Variants in CNRIP1 observed in about 807,000 individuals in gnomAD.
The protein encoded by CNRIP1 is CB1 cannabinoid receptor-interacting protein 1.
CNRIP1 carries 10 observed loss-of-function variants against 15.2 expected under a neutral mutation model. The ratio of observed to expected loss-of-function variants is 0.66; its 90% CI spans 0.41 to 1.12. The LOEUF is 1.12. Ranked by LOEUF, CNRIP1 falls within the 50% of genes most tolerant of loss-of-function variation. The pLI is 0.00. For missense variants in CNRIP1, 211 were observed against 214.7 expected (o/e 0.98, Z 0.11); for synonymous variants, 91 against 83.2 (o/e 1.09, Z -0.51).
At chr2:68,299,641 G>A (rs1264594949) in intron 2 of CNRIP1, among the ~76,000 whole-genome samples, 1 of 152,142 alleles carries the variant, frequency 6.6e-6, no homozygotes, top group Non-Finnish European at 1.5e-5. Context: ...CAGCCCCAGC[G>A]GAGACAACAC....
chr2:68,295,457 C>A (rs1310680476), intron 2 of CNRIP1, among the ~76,000 whole-genome samples: 3 of 152,176 alleles, frequency 2.0e-5, no homozygotes, highest in African/African-American at 7.2e-5. Context: ...CCTATATAAG[C>A]ATACAGCAGC....
At chr2:68,310,878 A>G (rs1672047172) in intron 2 of CNRIP1, among the ~76,000 whole-genome samples, 1 of 152,204 alleles carries the variant, frequency 6.6e-6, no homozygotes, top group Non-Finnish European at 1.5e-5. Context: ...ACTATAAAAA[A>G]GACAAATGAA....
chr2:68,304,812 G>A (rs1422519237), intron 2 of CNRIP1, among the ~76,000 whole-genome samples: 7 of 152,026 alleles, frequency 4.6e-5, no homozygotes, highest in Admixed American at 2.6e-4. Flanking sequence ...GAAAATGATT[G>A]AAAATATAGG....
intron 2 of CNRIP1, among the ~76,000 whole-genome samples, chr2:68,301,115 T>C (rs780590600): frequency 6.6e-6 from 1 of 152,210 alleles, no homozygotes; most frequent in Non-Finnish European, 1.5e-5. Flanking sequence ...AGATTCCTCA[T>C]GGGCATATAC....
At chr2:68,296,794 C>G (rs182535742) in intron 2 of CNRIP1, among the ~76,000 whole-genome samples, 5 of 152,194 alleles carry the variant, frequency 3.3e-5, no homozygotes, top group East Asian at 3.9e-4. Flanking sequence ...TGTGCCACTA[C>G]GCCTGGCTAA....
intron 2 of CNRIP1, among the ~76,000 whole-genome samples, chr2:68,306,124 CAAAAAAAAAAA>C (rs61586261): frequency 1.2e-3 from 31 of 25,340 alleles, no homozygotes; most frequent in African/African-American, 4.2e-3. Flanking sequence ...CCCACCTCTA[CAAAAAAAAAAA>C]AAAAAAAAAA....
Position 68,293,337 on chromosome 2 carries a change from C to A in CNRIP1, c.*525G>T. Reference sequence around the variant, plus strand: ...AAAGAGCGGAGCTGTTTATAGGAAGCACAACATTTGAGTCCCATTCACTGC... The same window carrying A: ...AAAGAGCGGAGCTGTTTATAGGAAGAACAACATTTGAGTCCCATTCACTGC... On this transcript the variant is annotated 3_prime_UTR_variant, in exon 3 of 3. Coordinates refer to ENST00000263655, the MANE Select transcript of CNRIP1 (RefSeq NM_015463.3). 2.0e-6 allele frequency: 2 copies of A among 986,188 alleles called. No homozygotes were observed. Among genetic ancestry groups the A allele is most frequent in the Non-Finnish European group, 2.4e-6 (2 of 830,406 alleles). The allele number at this position is 986,188 out of a possible 1,614,324, so 61.1% of individuals were successfully genotyped here. A position where few individuals can be genotyped will look rare whatever the true frequency, so the allele number is the denominator to read the frequency against.
intron 2 of CNRIP1, among the ~76,000 whole-genome samples, chr2:68,295,616 A>G (rs968510216): frequency 6.6e-6 from 1 of 152,226 alleles, no homozygotes. Context: ...GATCTCAAAG[A>G]CATGCTAAGC....
intron 2 of CNRIP1, among the ~76,000 whole-genome samples, chr2:68,305,258 AAATATAT>A (rs1200066790): frequency 4.7e-5 from 2 of 42,746 alleles, no homozygotes; most frequent in African/African-American, 1.4e-4. Flanking sequence ...AAAAAAAAAA[AAATATAT>A]ATATATATAT....
exon 3 of CNRIP1, chr2:68,284,417 G>T: frequency 6.7e-7 from 1 of 1,490,910 alleles, no homozygotes; most frequent in Non-Finnish European, 9.0e-7. Context: ...GGCACACATT[G>T]AAGAATGTGC....
chr2:68,317,538 G>A (rs1202844348), intron 1 of CNRIP1, among the ~76,000 whole-genome samples: 1 of 152,150 alleles, frequency 6.6e-6, no homozygotes, highest in Non-Finnish European at 1.5e-5. Context: ...GATGTAGTTT[G>A]GACACTGGTA....
intron 2 of CNRIP1, among the ~76,000 whole-genome samples, chr2:68,299,302 A>G (rs903873041): frequency 1.3e-5 from 2 of 152,086 alleles, no homozygotes; most frequent in Non-Finnish European, 2.9e-5. Flanking sequence ...GGGCATTGCT[A>G]TGGACTGAAT....
At chr2:68,311,066 C>A (rs1260365007) in intron 2 of CNRIP1, among the ~76,000 whole-genome samples, 1 of 151,924 alleles carries the variant, frequency 6.6e-6, no homozygotes, top group Non-Finnish European at 1.5e-5. Flanking sequence ...AGCTTTTCAA[C>A]ATATGTTTAG....
intron 2 of CNRIP1, among the ~76,000 whole-genome samples, chr2:68,284,798 G>GAAAAAA (rs1670986462): frequency 7.3e-6 from 1 of 137,700 alleles, no homozygotes. Flanking sequence ...GTGACAGAGC[G>GAAAAAA]AGACTCTGTC....
intron 2 of CNRIP1, among the ~76,000 whole-genome samples, chr2:68,315,372 A>G (rs1283502072): frequency 2.0e-5 from 3 of 152,170 alleles, no homozygotes; most frequent in Non-Finnish European, 1.5e-5. Context: ...TAGGCGTGTA[A>G]ATTGCCTAGC....
downstream of CNRIP1, among the ~76,000 whole-genome samples, chr2:68,292,648 G>A (rs1671204558): frequency 6.6e-6 from 1 of 152,168 alleles, no homozygotes; most frequent in Non-Finnish European, 1.5e-5. Flanking sequence ...GCAAGGTGCT[G>A]GAAGTAGGCA....
intron 2 of CNRIP1, among the ~76,000 whole-genome samples, chr2:68,286,288 C>G (rs1671029013): frequency 6.6e-6 from 1 of 151,032 alleles, no homozygotes; most frequent in Non-Finnish European, 1.5e-5. Context: ...GTGTAACCAT[C>G]TAGATTTGGG....
rs577915872 is a variant in CNRIP1, at chr2:68,305,523, C to T, written c.331-11497G>A. ...ATTAAAACTGGAAGTAGGCCGGGGG[C>T]GGTGGCTCACGCCTGTAATCCCAGC... is the stretch of plus-strand genomic sequence containing the variant. On this transcript the variant is annotated intron_variant, in intron 2 of 2. Coordinates refer to ENST00000263655, the MANE Select transcript of CNRIP1 (RefSeq NM_015463.3). Among the ~76,000 whole-genome samples the T allele has an allele frequency of 4.1e-4, 62 of 151,574 alleles. 1 individual carries two copies. The highest frequency in any genetic ancestry group is 5.3e-4 in the African/African-American group (22 of 41,340).
chr2:68,315,089 TTAAAA>T (rs1389508508), intron 2 of CNRIP1, among the ~76,000 whole-genome samples: 1 of 152,104 alleles, frequency 6.6e-6, no homozygotes, highest in Middle Eastern at 3.4e-3. Flanking sequence ...AAAATAAAAA[TTAAAA>T]TATTAAATGA....
Sources: allele counts gnomAD v4.1 joint callset (sites outside exome capture counted in the v4.1 genomes callset), GRCh38; gene constraint gnomAD v4.1.1; transcripts MANE v1.5; gene names NCBI Gene and HGNC (gene_info 2026-07-23, HGNC 2026-07-21).